The following RAB30 variants were observed in gnomAD, a reference collection of about 807,000 sequenced individuals.
The protein encoded by RAB30 is ras-related protein Rab-30.
In RAB30, 9 loss-of-function variants were observed where a neutral mutation model predicts 25.1. The ratio of observed to expected loss-of-function variants is 0.36; its 90% CI spans 0.22 to 0.63. RAB30 has a LOEUF of 0.63. Ranked by LOEUF, RAB30 falls within the 20% of genes least tolerant of loss-of-function variation. RAB30 has a pLI of 0.69. For synonymous variants in RAB30, 77 were observed against 86.4 expected, an observed-to-expected ratio of 0.89 and a Z score of 0.60; for missense variants, 140 against 243.5, an observed-to-expected ratio of 0.58 and a Z score of 2.83.
Position 82,978,888 on chromosome 11 carries a change from C to T in RAB30, c.*3277G>A, listed in dbSNP as rs1433546678. ...ATAAACTCTAAATCAGAACTTGACA[C>T]ATTGTCAAATCAACCCATTTAACTT... On this transcript the variant is annotated 3_prime_UTR_variant, in exon 5 of 5. Coordinates refer to ENST00000527633, the MANE Select transcript of RAB30 (RefSeq NM_001286060.2). 4 of 152,136 alleles carry T rather than the reference C, an allele frequency of 2.6e-5. No homozygotes were observed. Among genetic ancestry groups the T allele is most frequent in the African/African-American group, 7.2e-5 (3 of 41,422 alleles). 9.4% of individuals were successfully genotyped at this position (152,136 alleles called of 1,614,324 possible).
chr11:83,068,178 A>T (rs1022015484), intron 1 of RAB30, among the ~76,000 whole-genome samples: 1 of 151,414 alleles, frequency 6.6e-6, no homozygotes, highest in Non-Finnish European at 1.5e-5. Context: ...GGCACCTGTA[A>T]TCCCAGACAA....
intron 1 of RAB30, chr11:83,038,806 AGAG>A (rs1858042761): frequency 6.6e-6 from 1 of 152,000 alleles, no homozygotes; most frequent in Non-Finnish European, 1.5e-5. Flanking sequence ...GGGAGACAAG[AGAG>A]AAACTCCATC....
chr11:82,977,517 G>A lies in RAB30; in HGVS notation c.*4648C>T, dbSNP rs1856565266. On this transcript the variant is annotated 3_prime_UTR_variant, in exon 5 of 5. Transcript: ENST00000527633. ...TGCCTCTTGACAGAGGCTATTACCT[G>A]AGGCAGACTGTCCCATAGTGAACCA... 1.3e-5 allele frequency: 2 copies of A among 152,152 alleles called. No individual in the cohort carries two copies. Among genetic ancestry groups the A allele is most frequent in the South Asian group, 4.2e-4 (2 of 4,816 alleles). 9.4% of individuals were successfully genotyped at this position (152,152 alleles called of 1,614,324 possible).
intron 1 of RAB30, among the ~76,000 whole-genome samples, chr11:83,027,714 T>C (rs1466843491): frequency 1.3e-5 from 2 of 152,248 alleles, no homozygotes; most frequent in African/African-American, 2.4e-5. Flanking sequence ...TTAGCATATT[T>C]ACAGAGTTGT....
intron 4 of RAB30, among the ~76,000 whole-genome samples, chr11:82,985,634 GA>G (rs1199079100): frequency 2.1e-5 from 3 of 144,504 alleles, no homozygotes; most frequent in Admixed American, 6.9e-5. Context: ...TTCTAAGAGA[GA>G]AAAAAAATGA....
chr11:82,999,343 A>G (rs1406092204), intron 1 of RAB30, among the ~76,000 whole-genome samples: 1 of 152,192 alleles, frequency 6.6e-6, no homozygotes, highest in Non-Finnish European at 1.5e-5. Context: ...AGCCAGAGAG[A>G]CCAAGGTTCA....
rs766174338 is a variant in RAB30 at position 82,997,311 on chromosome 11, A to T, written c.6T>A (p.Ser2Arg). The T allele has an allele frequency of 3.7e-5, 60 of 1,605,792 alleles. No homozygotes were observed. The highest frequency in any genetic ancestry group is 5.0e-5 in the Non-Finnish European group (59 of 1,172,464). The change falls in exon 2 of 5, where the codon AGT (serine) becomes AGA (arginine). Residue 2 changes from serine to arginine, a missense_variant. Transcript: ENST00000527633. M[S>R]MEDYDFLFKI... ...TGAACAGGAAATCATAATCTTCCAT[A>T]CTCATTTACACAGCTGCAAGGCAAA...
At chr11:82,987,945 TAA>T (rs66865945) in intron 3 of RAB30, among the ~76,000 whole-genome samples, 175 bp from the exon 4 acceptor site, 74 of 117,010 alleles carry the variant, frequency 6.3e-4, no homozygotes, top group African/African-American at 1.3e-3. Flanking sequence ...CACTGAAAAT[TAA>T]AAAAAAAAAA....
intron 1 of RAB30, among the ~76,000 whole-genome samples, chr11:83,050,624 AGAGCTT>A (rs1201037512): frequency 6.6e-6 from 1 of 152,272 alleles, no homozygotes; most frequent in African/African-American, 2.4e-5. Flanking sequence ...ATGAAATTAT[AGAGCTT>A]TGTTTTAAAG....
At chr11:83,007,486 G>A (rs977265091) in intron 1 of RAB30, among the ~76,000 whole-genome samples, 6 of 152,140 alleles carry the variant, frequency 3.9e-5, no homozygotes, top group South Asian at 2.1e-4. Flanking sequence ...AATACAAAAC[G>A]GATTTGGGAT....
rs1164357026 is a variant in RAB30, at chr11:82,974,486, T to C, written c.*7679A>G. The C allele has an allele frequency of 6.6e-6, 1 of 152,164 alleles. No individual in the cohort carries two copies. The highest frequency in any genetic ancestry group is 2.4e-5 in the African/African-American group (1 of 41,434). The allele number at this position is 152,164 out of a possible 1,614,324, so 9.4% of individuals were successfully genotyped here. A position where few individuals can be genotyped will look rare whatever the true frequency, so the allele number is the denominator to read the frequency against. ...ACATAAAATATGATGTAGTATACTG[T>C]TAATATTTGCATATTAACATTTAAA... On this transcript the variant is annotated 3_prime_UTR_variant, in exon 5 of 5. Coordinates refer to ENST00000527633, the MANE Select transcript of RAB30 (RefSeq NM_001286060.2).
intron 1 of RAB30, among the ~76,000 whole-genome samples, chr11:83,029,750 T>C (rs143567218): frequency 6.6e-6 from 1 of 152,290 alleles, no homozygotes; most frequent in African/African-American, 2.4e-5. Context: ...TGCATACTTG[T>C]AGCAGCACAA....
chr11:83,005,448 A>G (rs1170810771), intron 1 of RAB30, among the ~76,000 whole-genome samples: 1 of 152,192 alleles, frequency 6.6e-6, no homozygotes, highest in Non-Finnish European at 1.5e-5. Flanking sequence ...CATTATACAG[A>G]TAAGAAAACT....
chr11:83,006,640 G>A (rs1292102635), intron 1 of RAB30, among the ~76,000 whole-genome samples: 1 of 152,124 alleles, frequency 6.6e-6, no homozygotes, highest in Non-Finnish European at 1.5e-5. Flanking sequence ...TGCTTCAAAA[G>A]CAAGACAGTT....
At position 83,060,719 on chromosome 11, in the gene RAB30, G is replaced by C. The variant is rs576711135; in HGVS notation, c.-9+10972C>G. Among the ~76,000 whole-genome samples, 96 of 152,224 alleles carry C rather than the reference G, an allele frequency of 6.3e-4. 1 individual carries two copies. Among genetic ancestry groups the C allele is most frequent in the Admixed American group, 2.2e-3 (33 of 15,292 alleles). ...AAGGGTACTGTGGTGGTTAATTTTA[G>C]GTGTCAACTTGATTAGATTAAGAAA... On this transcript the variant is annotated intron_variant, in intron 1 of 4. Coordinates refer to ENST00000527633, the MANE Select transcript of RAB30 (RefSeq NM_001286060.2).
intron 1 of RAB30, among the ~76,000 whole-genome samples, chr11:83,003,116 GAAGT>G (rs970552811): frequency 6.6e-6 from 1 of 152,232 alleles, no homozygotes; most frequent in African/African-American, 2.4e-5. Flanking sequence ...CATAGGCGAT[GAAGT>G]AAGAGGGCCT....
At chr11:83,052,959 A>G (rs1021250506) in intron 1 of RAB30, among the ~76,000 whole-genome samples, 1 of 152,208 alleles carries the variant, frequency 6.6e-6, no homozygotes, top group Non-Finnish European at 1.5e-5. Flanking sequence ...TTAATGTTTT[A>G]GTAAAAAAAC....
rs770258296 is a variant in RAB30 at position 82,982,401 on chromosome 11, G to C, written c.376C>G (p.Leu126Val). Residue 126 changes from leucine to valine, a missense_variant, in exon 5 of 5, where the codon CTG becomes GTG. By Grantham distance (32) the Leu-to-Val change is conservative. Transcript: ENST00000527633. ...ITVLVGNKID[L>V]AERREVSQQR... The stretch of plus-strand genomic sequence containing the variant: ...TGGGAAACCTCTCTCCTTTCAGCCA[G>C]GTCAATCTTGTTGCCTATAACAGTA... 2 of 1,613,598 alleles carry C rather than the reference G, an allele frequency of 1.2e-6. No individual in the cohort carries two copies. The highest frequency in any genetic ancestry group is 1.7e-6 in the Non-Finnish European group (2 of 1,179,996).
intron 1 of RAB30, among the ~76,000 whole-genome samples, chr11:83,012,019 G>A (rs979359188): frequency 3.3e-5 from 5 of 152,196 alleles, no homozygotes; most frequent in Admixed American, 1.3e-4. Flanking sequence ...TGTCACCACT[G>A]AGGGGCTCAG....
Sources: allele counts gnomAD v4.1 joint callset (sites outside exome capture counted in the v4.1 genomes callset), GRCh38; gene constraint gnomAD v4.1.1; transcripts MANE v1.5; gene names NCBI Gene and HGNC (gene_info 2026-07-23, HGNC 2026-07-21).